Variants in RSRC1 observed in about 807,000 individuals in gnomAD.
RSRC1 encodes the protein arginine and serine rich coiled-coil 1, also known as serine/Arginine-related protein 53.
Under a neutral mutation model 49.1 loss-of-function variants are expected in RSRC1, and 39 were observed. That is an observed-to-expected ratio of 0.79 (90% CI 0.61 to 1.04). The LOEUF (loss-of-function observed/expected upper bound fraction) is 1.04, where lower values mean the gene tolerates loss of function less well. RSRC1 is among the 50% of genes least tolerant of loss of function. The pLI, the probability that RSRC1 is intolerant of heterozygous loss-of-function variation, is 0.00. For missense variants in RSRC1, 388 were observed against 402.4 expected (o/e 0.96, Z 0.31); for synonymous variants, 143 against 130.8 (o/e 1.09, Z -0.63).
At chr3:158,514,579 A>G (rs1433310441) in intron 7 of RSRC1, among the ~76,000 whole-genome samples, 1 of 152,128 alleles carries the variant, frequency 6.6e-6, no homozygotes, top group Non-Finnish European at 1.5e-5. Context: ...GGTGCTGAAA[A>G]AAATGTATAT....
intron 3 of RSRC1, among the ~76,000 whole-genome samples, chr3:158,139,575 A>C (rs1373178887): frequency 6.6e-6 from 1 of 151,684 alleles, no homozygotes; most frequent in Admixed American, 6.6e-5. Flanking sequence ...CTTAGAATAA[A>C]CTGCATTCAC....
At chr3:158,437,086 T>C (rs963044155) in intron 6 of RSRC1, among the ~76,000 whole-genome samples, 2 of 151,956 alleles carry the variant, frequency 1.3e-5, no homozygotes, top group Non-Finnish European at 2.9e-5. Flanking sequence ...AAGAAACGTC[T>C]TCCAATTCTT....
intron 7 of RSRC1, among the ~76,000 whole-genome samples, chr3:158,477,633 C>T (rs562247442): frequency 5.3e-5 from 8 of 151,370 alleles, no homozygotes; most frequent in Admixed American, 2.6e-4. Context: ...TTTATATGCA[C>T]TAGGGAAGAG....
At chr3:158,231,772 G>T (rs1183779541) in intron 4 of RSRC1, among the ~76,000 whole-genome samples, 5 of 152,034 alleles carry the variant, frequency 3.3e-5, no homozygotes, top group Admixed American at 3.3e-4. Context: ...AATTGGGCTG[G>T]AGGGAAAGTG....
chr3:158,110,235 G>A lies in RSRC1; in HGVS notation c.-3+12G>A, dbSNP rs1010608233. 6.6e-6 allele frequency: 1 copy of A among 152,164 alleles called. No individual in the cohort carries two copies. Among genetic ancestry groups the A allele is most frequent in the South Asian group, 2.1e-4 (1 of 4,826 alleles). 9.4% of individuals were successfully genotyped at this position (152,164 alleles called of 1,614,324 possible). A position where few individuals can be genotyped will look rare whatever the true frequency, so the allele number is the denominator to read the frequency against. On this transcript the variant is annotated intron_variant, in intron 1 of 9. Transcript: ENST00000611884. ...AGGTCTGGACCCAGGTGATGCCCAC[G>A]ACCAGGGCCTGGGGAGCGGCAGCCG...
rs532404712 is a variant in RSRC1 at position 158,437,117 on chromosome 3, CA to C, written c.584-23807del. Among the ~76,000 whole-genome samples, 77 of 139,724 alleles carry C rather than the reference CA, an allele frequency of 5.5e-4. 2 individuals are homozygous for C. In the South Asian group the frequency reaches 0.01, roughly 19 times the overall value. The allele number at this position is 139,724 out of a possible 152,430, so 91.7% of individuals were successfully genotyped here. On this transcript the variant is annotated intron_variant, in intron 6 of 9. Transcript: ENST00000611884. The stretch of plus-strand genomic sequence containing the variant: ...TTCTTTTTATAGATGTACACACACA[CA>C]AAAAAAAAAACCTTTGGATGGGGAT...
At chr3:158,467,427 T>C (rs959345261) in intron 7 of RSRC1, among the ~76,000 whole-genome samples, 3 of 152,256 alleles carry the variant, frequency 2.0e-5, no homozygotes, top group Admixed American at 1.3e-4. Context: ...TTAATAAGTA[T>C]GATAATAATC....
rs1491469875 is a variant in RSRC1, at chr3:158,118,462, T to TGTGTGTGTGTGTGTGTGC, written c.-2-3640_-2-3639insTGTGTGTGTGTGTGTGCG. On this transcript the variant is annotated intron_variant, in intron 1 of 9. Coordinates refer to ENST00000611884, the MANE Select transcript of RSRC1 (RefSeq NM_001271838.2). ...GTGTGTGTGTGTGTGTGTGTGTGTG[T>TGTGTGTGTGTGTGTGTGC]GCGCGTGCGCGTGGTTTTTTTAAAT... 5.2e-3 allele frequency among the ~76,000 whole-genome samples: 650 copies of TGTGTGTGTGTGTGTGTGC among 124,660 alleles called. 23 individuals carry two copies. Among genetic ancestry groups the TGTGTGTGTGTGTGTGTGC allele is most frequent in the East Asian group, 0.014 (54 of 3,774 alleles). The allele number at this position is 124,660 out of a possible 152,430, so 81.8% of individuals were successfully genotyped here. A position where few individuals can be genotyped will look rare whatever the true frequency, so the allele number is the denominator to read the frequency against.
intron 5 of RSRC1, among the ~76,000 whole-genome samples, chr3:158,324,610 A>G (rs1351281660): frequency 1.3e-5 from 2 of 152,046 alleles, no homozygotes; most frequent in Admixed American, 6.6e-5. Context: ...TATGTGCCAC[A>G]TTTTCTTAAT....
chr3:158,443,290 C>T (rs370642812), intron 6 of RSRC1, among the ~76,000 whole-genome samples: 5 of 152,286 alleles, frequency 3.3e-5, no homozygotes, highest in African/African-American at 9.6e-5. Flanking sequence ...TCCTAGAAAG[C>T]GGTTTTGTCT....
intron 5 of RSRC1, among the ~76,000 whole-genome samples, chr3:158,320,251 C>T (rs116332605): frequency 0.011 from 1,625 of 152,184 alleles, 31 homozygotes; most frequent in African/African-American, 0.037. Context: ...ATATCAGGGA[C>T]GGAGATCTGG....
At chr3:158,496,658 A>C in intron 7 of RSRC1, 1 of 171,866 alleles carries the variant, frequency 5.8e-6, no homozygotes, top group Admixed American at 5.8e-5. Flanking sequence ...AAGCTGCCAA[A>C]GCCTTAGACA....
chr3:158,441,490 G>T (rs1161959139), intron 6 of RSRC1, among the ~76,000 whole-genome samples: 1 of 151,810 alleles, frequency 6.6e-6, no homozygotes, highest in African/African-American at 2.4e-5. Context: ...CCTGCATCCT[G>T]GATCATGAGG....
intron 3 of RSRC1, among the ~76,000 whole-genome samples, chr3:158,140,188 T>C (rs1716656614): frequency 6.6e-6 from 1 of 152,234 alleles, no homozygotes; most frequent in African/African-American, 2.4e-5. Flanking sequence ...CCTCTGTCAC[T>C]ACCTCTTGCC....
At position 158,203,262 on chromosome 3, in the gene RSRC1, C is replaced by G. The variant is rs1721176094; in HGVS notation, c.494+17C>G. 1 of 1,559,852 alleles carries G rather than the reference C, an allele frequency of 6.4e-7. No homozygotes were observed. The highest frequency in any genetic ancestry group is 8.7e-7 in the Non-Finnish European group (1 of 1,150,882). On this transcript the variant is annotated intron_variant, in intron 4 of 9. Coordinates refer to ENST00000611884, the MANE Select transcript of RSRC1 (RefSeq NM_001271838.2). ...CAAACGTGGGTAAGTTGGAGCAAAT[C>G]TTATCTGGTAAGGACTTGGTGATTC...
chr3:158,321,524 A>G (rs115297644), intron 5 of RSRC1, among the ~76,000 whole-genome samples: 1 of 150,654 alleles, frequency 6.6e-6, no homozygotes. Context: ...TAATGCTACC[A>G]TTTTGATATG....
chr3:158,321,654 A>G (rs1728770172), intron 5 of RSRC1, among the ~76,000 whole-genome samples: 2 of 151,144 alleles, frequency 1.3e-5, no homozygotes, highest in African/African-American at 4.9e-5. Context: ...TAATTGTGGT[A>G]TTTGCCTTTA....
intron 4 of RSRC1, among the ~76,000 whole-genome samples, chr3:158,280,370 A>T (rs73166375): frequency 0.12 from 18,329 of 152,128 alleles, 1,378 homozygotes; most frequent in Middle Eastern, 0.2. Context: ...TTACTAATTA[A>T]TTAAACTATT....
At chr3:158,362,127 C>T (rs1193386996) in intron 6 of RSRC1, among the ~76,000 whole-genome samples, 2 of 152,024 alleles carry the variant, frequency 1.3e-5, no homozygotes, top group African/African-American at 4.8e-5. Context: ...TCATTTGAGC[C>T]CAGGAGTTCG....
Sources: gnomAD v4.1 joint callset for allele counts (sites outside exome capture counted in the v4.1 genomes callset) on GRCh38, gnomAD v4.1.1 for gene constraint, MANE v1.5 for transcripts, NCBI Gene and HGNC (gene_info 2026-07-23, HGNC 2026-07-21) for gene names.